Variants in CEMIP observed in about 807,000 individuals in gnomAD.
CEMIP encodes the protein cell migration inducing hyaluronidase 1.
CEMIP carries 105 observed loss-of-function variants against 156.9 expected under a neutral mutation model. The ratio of observed to expected loss-of-function variants is 0.67; its 90% CI spans 0.57 to 0.79. The LOEUF is 0.79. CEMIP is among the 30% of genes least tolerant of loss of function. CEMIP has a pLI of 0.00. For missense variants in CEMIP, 1,457 were observed against 1,769.4 expected, an observed-to-expected ratio of 0.82 and a Z score of 3.17; for synonymous variants, 676 against 668.4, an observed-to-expected ratio of 1.01 and a Z score of -0.17.
At chr15:80,868,049 A>G (rs1354436295) in intron 1 of CEMIP, among the ~76,000 whole-genome samples, 2 of 152,124 alleles carry the variant, frequency 1.3e-5, no homozygotes, top group African/African-American at 4.8e-5. Context: ...GTCCACAAAG[A>G]TAGACTTTTG....
chr15:80,893,442 A>G (rs1156587188), intron 10 of CEMIP, among the ~76,000 whole-genome samples: 1 of 152,178 alleles, frequency 6.6e-6, no homozygotes, highest in African/African-American at 2.4e-5. Flanking sequence ...TCCTGGAATT[A>G]TTGTTGGATG....
Position 80,948,822 on chromosome 15 carries a change from A to T in CEMIP, c.3984A>T (p.Lys1328Asn). ...LKEQMAFVGF[K>N]GSFRPIWVTL... ...AGCAAATGGCATTCGTTGGCTTCAA[A>T]GGCAGCTTCCGGCCCATCTGGGTGA... The change falls in exon 30 of 30, where the codon AAA becomes AAT. Residue 1328 changes from lysine (K) to asparagine (N), a missense_variant. This residue lies in a region of CEMIP where 798 missense variants were observed against 980.1 expected (regional missense o/e 0.81). Coordinates refer to ENST00000394685, the MANE Select transcript of CEMIP (RefSeq NM_001293298.2). The T allele has an allele frequency of 6.2e-7, 1 of 1,614,208 alleles. No homozygotes were observed. Among genetic ancestry groups the T allele is most frequent in the Non-Finnish European group, 8.5e-7 (1 of 1,180,038 alleles).
chr15:80,825,389 G>C (rs1475849137), intron 1 of CEMIP, among the ~76,000 whole-genome samples: 1 of 152,176 alleles, frequency 6.6e-6, no homozygotes, highest in Non-Finnish European at 1.5e-5. Context: ...GTGAATAGCT[G>C]AACCAGGAAA....
intron 1 of CEMIP, among the ~76,000 whole-genome samples, chr15:80,779,879 G>A (rs1396112762): frequency 6.6e-6 from 1 of 152,238 alleles, no homozygotes; most frequent in East Asian, 1.9e-4. Flanking sequence ...GCAGGTGCCG[G>A]GGGGCGCTGG....
chr15:80,924,767 C>G, intron 18 of CEMIP, 61 bp downstream of exon 18: 1 of 1,378,150 alleles, frequency 7.3e-7, no homozygotes, highest in Non-Finnish European at 1.0e-6. Flanking sequence ...CCTGCCTCCC[C>G]CTCCTTCAAT....
chr15:80,850,281 ATCT>A (rs770038460), intron 1 of CEMIP, among the ~76,000 whole-genome samples: 6 of 151,844 alleles, frequency 4.0e-5, no homozygotes, highest in African/African-American at 4.8e-5. Flanking sequence ...CTTTATTGTC[ATCT>A]TCTTTTTTTT....
chr15:80,793,924 C>T (rs111560419), intron 1 of CEMIP, among the ~76,000 whole-genome samples: 5 of 152,318 alleles, frequency 3.3e-5, no homozygotes, highest in Non-Finnish European at 7.3e-5. Flanking sequence ...AATAGGTGCT[C>T]ATTACAGTTT....
chr15:80,815,791 T>A (rs1465220685), intron 1 of CEMIP, among the ~76,000 whole-genome samples: 1 of 152,232 alleles, frequency 6.6e-6, no homozygotes, highest in Non-Finnish European at 1.5e-5. Flanking sequence ...TCCAGCTTTT[T>A]TCTGCCCTGG....
chr15:80,802,327 C>T (rs1488229032), intron 1 of CEMIP, among the ~76,000 whole-genome samples: 10 of 152,234 alleles, frequency 6.6e-5, no homozygotes, highest in Admixed American at 2.0e-4. Flanking sequence ...AAGCCATCAA[C>T]GGCTGCTGGG....
chr15:80,821,009 C>T (rs1320233890), intron 1 of CEMIP, among the ~76,000 whole-genome samples: 1 of 152,184 alleles, frequency 6.6e-6, no homozygotes, highest in Non-Finnish European at 1.5e-5. Context: ...GTGAAATTTG[C>T]ACTTCATCAT....
chr15:80,849,814 C>T (rs1248418634), intron 1 of CEMIP, among the ~76,000 whole-genome samples: 1 of 152,146 alleles, frequency 6.6e-6, no homozygotes, highest in Non-Finnish European at 1.5e-5. Flanking sequence ...GAAGGGATTC[C>T]AGGCAGGGAT....
chr15:80,919,771 T>C (rs970953635), intron 14 of CEMIP, among the ~76,000 whole-genome samples: 7 of 151,138 alleles, frequency 4.6e-5, no homozygotes, highest in Non-Finnish European at 7.4e-5. Flanking sequence ...GCCAAGATTG[T>C]GCCACTGCAC....
At position 80,800,970 on chromosome 15, in the gene CEMIP, C is replaced by T. The variant is rs569990620; in HGVS notation, c.-176+21356C>T. 1.7e-3 allele frequency among the ~76,000 whole-genome samples: 258 copies of T among 152,302 alleles called. 1 individual carries two copies. Among genetic ancestry groups the T allele is most frequent in the Non-Finnish European group, 3.2e-3 (217 of 68,024 alleles). On this transcript the variant is annotated intron_variant, in intron 1 of 29. Coordinates refer to ENST00000394685, the MANE Select transcript of CEMIP (RefSeq NM_001293298.2). Reference sequence around the variant, plus strand: ...CCAGCTTCTTGTCCAGCTGCTTCTCCCTTCTGTTTTAGACTCTAGCAACAT... The same window carrying T: ...CCAGCTTCTTGTCCAGCTGCTTCTCTCTTCTGTTTTAGACTCTAGCAACAT...
At chr15:80,795,200 G>C (rs965553793) in intron 1 of CEMIP, among the ~76,000 whole-genome samples, 3 of 152,094 alleles carry the variant, frequency 2.0e-5, no homozygotes, top group Non-Finnish European at 4.4e-5. Context: ...GAAAGCAATG[G>C]GAAGACATGA....
intron 14 of CEMIP, among the ~76,000 whole-genome samples, chr15:80,918,055 G>T (rs1596190429): frequency 2.0e-5 from 3 of 152,256 alleles, no homozygotes; most frequent in African/African-American, 7.2e-5. Flanking sequence ...CAGAAGGATT[G>T]CTTGAGCCCA....
chr15:80,890,512 A>C (rs1411579450), intron 10 of CEMIP, among the ~76,000 whole-genome samples: 1 of 151,338 alleles, frequency 6.6e-6, no homozygotes, highest in Non-Finnish European at 1.5e-5. Flanking sequence ...TTGCGTAAAC[A>C]GGAGGTGGAG....
Position 80,879,747 on chromosome 15 carries a change from G to A in CEMIP, c.273G>A (p.Pro91=), listed in dbSNP as rs546906551. 2.3e-5 allele frequency: 37 copies of A among 1,614,070 alleles called. No homozygotes were observed. Among genetic ancestry groups the A allele is most frequent in the Admixed American group, 8.3e-5 (5 of 59,992 alleles). ...GKLVIKDHDE[P]IVLRTRHILI... is the part of the protein sequence containing the mutation. ...TGGTCATTAAAGACCACGACGAGCC[G>A]ATTGTTTTGCGAACCCGGCACATCC... The change falls in exon 5 of 30, where the codon CCG becomes CCA. Residue 91 remains proline (P), a synonymous_variant. Transcript: ENST00000394685.
At chr15:80,901,671 C>T (rs1899560961) in intron 12 of CEMIP, among the ~76,000 whole-genome samples, 1 of 150,080 alleles carries the variant, frequency 6.7e-6, no homozygotes, top group Non-Finnish European at 1.5e-5. Context: ...CATTGCACTC[C>T]AGCCTGGGGG....
In CEMIP at chr15:80,936,780, A is replaced by C. The variant is rs1194275682; in HGVS notation, c.3116A>C (p.His1039Pro). The C allele has an allele frequency of 1.9e-6, 3 of 1,614,186 alleles. No homozygotes were observed. The East Asian group carries it at 6.7e-5, about 36-fold the overall frequency. Reference protein sequence around the residue: ...YLEGALTRSTHYQQYQPVVTL... With the variant: ...YLEGALTRSTPYQQYQPVVTL... The stretch of plus-strand genomic sequence containing the variant: ...GAGGGGGCGCTCACCAGGAGCACCC[A>C]TTACCAGCAATACCAACCGGTTGTC... The change falls in exon 24 of 30, where the codon CAT becomes CCT. Residue 1039 changes from histidine to proline, a missense_variant. His to Pro is a moderately conservative substitution (Grantham distance 77). This residue lies in a region of CEMIP where 798 missense variants were observed against 980.1 expected (regional missense o/e 0.81). Coordinates refer to ENST00000394685, the MANE Select transcript of CEMIP (RefSeq NM_001293298.2).
Sources: allele counts gnomAD v4.1 joint callset (sites outside exome capture counted in the v4.1 genomes callset), GRCh38; gene constraint gnomAD v4.1.1; regional missense constraint gnomAD v4.1.1; transcripts MANE v1.5; gene names NCBI Gene and HGNC (gene_info 2026-07-23, HGNC 2026-07-21).